Variants in TULP1 observed in about 807,000 individuals in gnomAD.
TULP1 encodes TUB like protein 1.
Under a neutral mutation model 67.1 loss-of-function variants are expected in TULP1, and 50 were observed. The observed-to-expected ratio is 0.75, with a 90% CI of 0.59 to 0.94. TULP1 has a LOEUF of 0.94. TULP1 is among the 40% of genes least tolerant of loss of function. TULP1 has a pLI of 0.00. For missense variants in TULP1, 746 were observed against 734.1 expected (o/e 1.02, Z -0.19); for synonymous variants, 297 against 294.0 (o/e 1.01, Z -0.11).
chr6:35,498,819 C>G lies in TULP1; in HGVS notation c.1496-359G>C, dbSNP rs1702951993. 1.3e-5 allele frequency among the ~76,000 whole-genome samples: 2 copies of G among 152,172 alleles called. No individual in the cohort carries two copies. The highest frequency in any genetic ancestry group is 1.3e-4 in the Admixed American group (2 of 15,276). On this transcript the variant is annotated intron_variant, in intron 14 of 14. Coordinates refer to ENST00000229771, the MANE Select transcript of TULP1 (RefSeq NM_003322.6). This position sits in a 1 kb window ranked among gnomAD's most constrained non-coding sequence, Gnocchi z 6.7. ...CTGGCCACAGTCTTTCCTCCTATCC[C>G]CAGCCACGAAGTCCCACCTTAGACC...
intron 13 of TULP1, among the ~76,000 whole-genome samples, chr6:35,502,742 G>A (rs1415786824): frequency 2.0e-5 from 3 of 151,838 alleles, no homozygotes; most frequent in Non-Finnish European, 4.4e-5. Context: ...CAAGTGATCC[G>A]CCCACCTTGT....
chr6:35,507,047 G>A (rs2150925952), intron 8 of TULP1, among the ~76,000 whole-genome samples: 1 of 152,082 alleles, frequency 6.6e-6, no homozygotes, highest in Non-Finnish European at 1.5e-5. Context: ...TCCTCCCACT[G>A]CATACCAGGG....
intron 13 of TULP1, among the ~76,000 whole-genome samples, chr6:35,500,812 A>G (rs1320411155): frequency 6.6e-6 from 1 of 152,116 alleles, no homozygotes; most frequent in Non-Finnish European, 1.5e-5. Context: ...AGCACCAGGC[A>G]TTTCTTACTG....
intron 5 of TULP1, 132 bp from the exon 6 acceptor site, chr6:35,510,060 TTTTC>T: frequency 2.4e-5 from 19 of 791,822 alleles, no homozygotes; most frequent in Middle Eastern, 3.6e-4. Context: ...CCTGCCTTCT[TTTTC>T]TTTTTTTTTT....
At position 35,509,312 on chromosome 6, in the gene TULP1, C is replaced by G. The variant is rs773120841; in HGVS notation, c.719G>C (p.Gly240Ala). The change falls in exon 8 of 15, where the codon GGC becomes GCC. Residue 240 changes from glycine to alanine, a missense_variant and splice_region_variant. Physicochemically the swap from Gly to Ala is moderately conservative, Grantham distance 60. This residue lies in a region of TULP1 where 359 missense variants were observed against 341.9 expected (regional missense o/e 1.05). Transcript: ENST00000229771. ...CTCCTTCCTCGCGCCTTTGGGAGTG[C>G]CTGAGCGTGGAGGGGGAAACAAGGC... ...SPDKKALKKK[G>A]TPKGARKEEE... The G allele has an allele frequency of 6.2e-7, 1 of 1,613,970 alleles. No homozygotes were observed. Among genetic ancestry groups the G allele is most frequent in the South Asian group, 1.1e-5 (1 of 91,078 alleles).
chr6:35,503,617 G>A lies in TULP1; in HGVS notation c.1265C>T (p.Thr422Ile), dbSNP rs1297122363. The part of the protein sequence containing the change: ...VLGFRGPRRM[T>I]VIIPGMSAEN... Reference sequence around the variant, plus strand: ...CGCACTCATGCCAGGAATGATGACGGTCATGCGCCGGGGGCCACGGAAGCC... The same window carrying A: ...CGCACTCATGCCAGGAATGATGACGATCATGCGCCGGGGGCCACGGAAGCC... The change falls in exon 13 of 15, where the codon ACC (threonine) becomes ATC (isoleucine). Residue 422 changes from threonine (T) to isoleucine (I), a missense_variant. Thr to Ile is a moderately conservative substitution (Grantham distance 89, BLOSUM62 -1). Coordinates refer to ENST00000229771, the MANE Select transcript of TULP1 (RefSeq NM_003322.6). The surrounding 1 kb of genome is among the most constrained non-coding windows in gnomAD (Gnocchi z 4.0). 1.3e-6 allele frequency: 2 copies of A among 1,598,844 alleles called. No individual in the cohort carries two copies. Among genetic ancestry groups the A allele is most frequent in the Non-Finnish European group, 1.7e-6 (2 of 1,172,962 alleles).
At position 35,498,463 on chromosome 6, in the gene TULP1, A is replaced by G; in HGVS notation, c.1496-3T>C. On this transcript the variant is annotated splice_polypyrimidine_tract_variant and splice_region_variant and intron_variant, in intron 14 of 14. Coordinates refer to ENST00000229771, the MANE Select transcript of TULP1 (RefSeq NM_003322.6). The surrounding 1 kb of genome is among the most constrained non-coding windows in gnomAD (Gnocchi z 6.7). ...GAACTGCAGCACGATATAGTCGGCT[A>G]TGGACACAAGACGGGGTGGGGGCGG... 1 of 1,613,770 alleles carries G rather than the reference A, an allele frequency of 6.2e-7. No homozygotes were observed. Among genetic ancestry groups the G allele is most frequent in the Non-Finnish European group, 8.5e-7 (1 of 1,180,020 alleles).
intron 5 of TULP1, among the ~76,000 whole-genome samples, chr6:35,510,330 C>T (rs957799272): frequency 1.3e-5 from 2 of 152,190 alleles, no homozygotes; most frequent in Non-Finnish European, 2.9e-5. Context: ...GAACACCAGG[C>T]CTTCTAACCG....
chr6:35,507,333 C>G (rs1375098752), intron 8 of TULP1, among the ~76,000 whole-genome samples: 1 of 151,966 alleles, frequency 6.6e-6, no homozygotes, highest in South Asian at 2.1e-4. Flanking sequence ...TCCAGTGAAG[C>G]CTTCAGAGTG....
intron 3 of TULP1, 21 bp downstream of exon 3, chr6:35,512,159 C>G (rs1019184066): frequency 1.5e-6 from 2 of 1,331,604 alleles, no homozygotes; most frequent in Non-Finnish European, 1.9e-6. Context: ...GGGGTCCACC[C>G]GGGCTCTGCA....
chr6:35,503,486 C>T lies in TULP1; in HGVS notation c.1323+73G>A. The T allele has an allele frequency of 6.9e-7, 1 of 1,445,578 alleles. No homozygotes were observed. The highest frequency in any genetic ancestry group is 9.5e-7 in the Non-Finnish European group (1 of 1,054,976). The allele number at this position is 1,445,578 out of a possible 1,614,324, so 89.5% of individuals were successfully genotyped here. A position where few individuals can be genotyped will look rare whatever the true frequency, so the allele number is the denominator to read the frequency against. On this transcript the variant is annotated intron_variant, in intron 13 of 14. Transcript: ENST00000229771. This position sits in a 1 kb window ranked among gnomAD's most constrained non-coding sequence, Gnocchi z 4.0. ...GTGATGGATGTGCTCAGGGAGTTGG[C>T]TATTTCCTAAGCTGAGCCCCGACTC...
chr6:35,499,928 C>T, intron 14 of TULP1, 53 bp downstream of exon 14: 1 of 1,606,288 alleles, frequency 6.2e-7, no homozygotes, highest in Non-Finnish European at 8.5e-7. Flanking sequence ...GAATGAAGGT[C>T]AGCATCCTGG....
chr6:35,503,956 G>A lies in TULP1; in HGVS notation c.1113-108C>T, dbSNP rs1057098156. On this transcript the variant is annotated intron_variant, in intron 11 of 14. Coordinates refer to ENST00000229771, the MANE Select transcript of TULP1 (RefSeq NM_003322.6). The surrounding 1 kb of genome is among the most constrained non-coding windows in gnomAD (Gnocchi z 4.0). The stretch of plus-strand genomic sequence containing the variant: ...TAGAGAGCTTCCTACAAGGGTGGGG[G>A]TGAGTTAGGACTGAGCAATTCATGT... 3 of 834,522 alleles carry A rather than the reference G, an allele frequency of 3.6e-6. No homozygotes were observed. Among genetic ancestry groups the A allele is most frequent in the Non-Finnish European group, 5.8e-6 (3 of 515,556 alleles). The allele number at this position is 834,522 out of a possible 1,614,324, so 51.7% of individuals were successfully genotyped here.
At position 35,504,936 on chromosome 6, in the gene TULP1, A is replaced by G. The variant is rs117607465; in HGVS notation, c.1112+805T>C. Reference sequence around the variant, plus strand: ...AAAGTTTTGTTAAATACATACATTTATTTATTCATTTATTTTTGAGGCAGG... The same window carrying G: ...AAAGTTTTGTTAAATACATACATTTGTTTATTCATTTATTTTTGAGGCAGG... On this transcript the variant is annotated intron_variant, in intron 11 of 14. Coordinates refer to ENST00000229771, the MANE Select transcript of TULP1 (RefSeq NM_003322.6). 2.4e-3 allele frequency among the ~76,000 whole-genome samples: 361 copies of G among 149,520 alleles called. 8 individuals carry two copies. In the East Asian group the frequency reaches 0.059, roughly 25 times the overall value.
At chr6:35,507,203 C>CA (rs869194937) in intron 8 of TULP1, among the ~76,000 whole-genome samples, 14,226 of 71,778 alleles carry the variant, frequency 0.2, 1,012 homozygotes, top group African/African-American at 0.24. Context: ...AACACTCAAG[C>CA]AAAAAAAAAA....
chr6:35,500,729 C>CT (rs1768823291), intron 13 of TULP1, among the ~76,000 whole-genome samples: 1 of 152,208 alleles, frequency 6.6e-6, no homozygotes, highest in Non-Finnish European at 1.5e-5. Flanking sequence ...TGTCTCAGCT[C>CT]TGAGTTTCCA....
At chr6:35,500,766 C>T (rs1006654079) in intron 13 of TULP1, among the ~76,000 whole-genome samples, 1 of 152,174 alleles carries the variant, frequency 6.6e-6, no homozygotes, top group African/African-American at 2.4e-5. Flanking sequence ...CCATTCCTCC[C>T]ACTGCACTGT....
rs1237699541 is a variant in TULP1, at chr6:35,512,235, C to G, written c.135G>C (p.Arg45Ser). Residue 45 changes from arginine (R) to serine (S), a missense_variant, in exon 3 of 15, where the codon AGG becomes AGC. Physicochemically the swap from Arg to Ser is moderately radical, Grantham distance 110. This residue lies in a region of TULP1 where 359 missense variants were observed against 341.9 expected (regional missense o/e 1.05). Transcript: ENST00000229771. ...GGCAGGGGGATTCGGGGGCCTCCGT[C>G]CTCTTCTTCCTTAGCCTCTGTGCCG... ...PAPAQRLRKK[R>S]TEAPESPCPT... 36 of 1,378,058 alleles carry G rather than the reference C, an allele frequency of 2.6e-5. No individual in the cohort carries two copies. The highest frequency in any genetic ancestry group is 3.3e-5 in the Non-Finnish European group (35 of 1,064,918). The allele number at this position is 1,378,058 out of a possible 1,614,324, so 85.4% of individuals were successfully genotyped here.
rs1581738300 is a variant in TULP1, at chr6:35,503,414, A to G, written c.1323+145T>C. 6.1e-6 allele frequency: 5 copies of G among 813,718 alleles called. No individual in the cohort carries two copies. The East Asian group carries it at 1.3e-4, about 22-fold the overall frequency. 50.4% of individuals were successfully genotyped at this position (813,718 alleles called of 1,614,324 possible). A position where few individuals can be genotyped will look rare whatever the true frequency, so the allele number is the denominator to read the frequency against. ...TTTTTCAGTGAATTCAATTACAAAA[A>G]GCCCAAGTCCATTCCCTAGGTGGCC... On this transcript the variant is annotated intron_variant, in intron 13 of 14. Coordinates refer to ENST00000229771, the MANE Select transcript of TULP1 (RefSeq NM_003322.6). The surrounding 1 kb of genome is among the most constrained non-coding windows in gnomAD (Gnocchi z 4.0).
Sources: allele counts gnomAD v4.1 joint callset (sites outside exome capture counted in the v4.1 genomes callset), GRCh38; gene constraint gnomAD v4.1.1; regional missense constraint gnomAD v4.1.1; non-coding constraint Gnocchi (gnomAD v3.1); transcripts MANE v1.5; gene names NCBI Gene and HGNC (gene_info 2026-07-23, HGNC 2026-07-21).